Variants in IGSF21 observed in about 807,000 individuals in gnomAD.
IGSF21 encodes immunoglobin superfamily member 21, also known as immunoglobulin superfamily member 21.
IGSF21 carries 28 observed loss-of-function variants against 46.8 expected under a neutral mutation model. That is an observed-to-expected ratio of 0.60 (90% confidence interval 0.44 to 0.82). The LOEUF (loss-of-function observed/expected upper bound fraction) is 0.82, where lower values mean the gene tolerates loss of function less well. Among genes scored for constraint, IGSF21 ranks in the 40% least tolerant of loss-of-function variants. IGSF21 has a pLI of 0.00. For missense variants in IGSF21, 624 were observed against 665.5 expected, an observed-to-expected ratio of 0.94 and a Z score of 0.69; for synonymous variants, 284 against 273.6, an observed-to-expected ratio of 1.04 and a Z score of -0.38.
chr1:18,167,004 G>A (rs1043166751), intron 1 of IGSF21: 1 of 153,216 alleles, frequency 6.5e-6, no homozygotes, highest in African/African-American at 2.4e-5. Flanking sequence ...ACTCTGTTGT[G>A]GAAACAGGAA....
chr1:18,114,653 A>G (rs1373953499), intron 1 of IGSF21: 1 of 152,242 alleles, frequency 6.6e-6, no homozygotes, highest in East Asian at 1.9e-4. Flanking sequence ...GAAAATGCAC[A>G]AAACACTTCC....
intron 4 of IGSF21, among the ~76,000 whole-genome samples, chr1:18,358,589 A>G (rs1277145666): frequency 1.3e-5 from 2 of 152,246 alleles, no homozygotes; most frequent in Admixed American, 1.3e-4. Context: ...AGGTACGACC[A>G]TGTTTTATTC....
At chr1:18,254,426 G>GACCTCTATCTGAATACA (rs1569641734) in intron 2 of IGSF21, among the ~76,000 whole-genome samples, 1 of 152,002 alleles carries the variant, frequency 6.6e-6, no homozygotes, top group African/African-American at 2.4e-5. Flanking sequence ...ACTGGATCTA[G>GACCTCTATCTGAATACA]GTATCTTTAA....
At chr1:18,269,365 C>T (rs16861776) in intron 2 of IGSF21, among the ~76,000 whole-genome samples, 30,018 of 152,078 alleles carry the variant, frequency 0.2, 3,130 homozygotes, top group African/African-American at 0.22. Flanking sequence ...CAGCCTTGAT[C>T]CTGTGTCATT....
chr1:18,118,613 C>T (rs1225663443), intron 1 of IGSF21, among the ~76,000 whole-genome samples: 1 of 152,182 alleles, frequency 6.6e-6, no homozygotes, highest in Non-Finnish European at 1.5e-5. Context: ...GCGGCAAAGG[C>T]AGTCACCCCA....
In IGSF21 at chr1:18,190,478, A is replaced by G. The variant is rs953928533; in HGVS notation, c.71-37420A>G. ...CCTGGCACACACTAAGTGTTCATAAATATTTGCCAAAATCCCTGCCAGGTC... is the reference window on the plus strand; with the variant it reads ...CCTGGCACACACTAAGTGTTCATAAGTATTTGCCAAAATCCCTGCCAGGTC... On this transcript the variant is annotated intron_variant, in intron 1 of 9. Transcript: ENST00000251296. Among the ~76,000 whole-genome samples the G allele has an allele frequency of 2.0e-5, 3 of 149,654 alleles. No homozygotes were observed. In the East Asian group the frequency reaches 6.0e-4, roughly 30 times the overall value.
At chr1:18,303,719 A>T (rs223158) in intron 3 of IGSF21, among the ~76,000 whole-genome samples, 3,428 of 152,332 alleles carry the variant, frequency 0.023, 123 homozygotes, top group African/African-American at 0.078. Context: ...TGAGCAGGAC[A>T]GGTAAGTTCT....
intron 2 of IGSF21, among the ~76,000 whole-genome samples, chr1:18,280,007 C>A (rs560450310): frequency 1.3e-5 from 2 of 152,330 alleles, no homozygotes; most frequent in African/African-American, 4.8e-5. Context: ...CATTGGTCAG[C>A]CAGACTGGTA....
At chr1:18,362,453 T>C (rs871288) in intron 5 of IGSF21, among the ~76,000 whole-genome samples, 110,979 of 152,104 alleles carry the variant, frequency 0.73, 40,601 homozygotes, top group East Asian at 0.75. Context: ...AACCCCCACT[T>C]CTCCTGGAGA....
At chr1:18,161,222 G>A (rs9727566) in intron 1 of IGSF21, among the ~76,000 whole-genome samples, 45,321 of 151,922 alleles carry the variant, frequency 0.3, 10,107 homozygotes, top group African/African-American at 0.62. Flanking sequence ...GGCCCTCCCA[G>A]CCTCCACTGG....
chr1:18,269,488 C>G (rs2085022626), intron 2 of IGSF21, among the ~76,000 whole-genome samples: 1 of 152,084 alleles, frequency 6.6e-6, no homozygotes, highest in Non-Finnish European at 1.5e-5. Flanking sequence ...TCCCCTCAGC[C>G]AAGAAGTGAG....
At chr1:18,143,571 G>T (rs2086438223) in intron 1 of IGSF21, among the ~76,000 whole-genome samples, 1 of 152,144 alleles carries the variant, frequency 6.6e-6, no homozygotes, top group Non-Finnish European at 1.5e-5. Context: ...GCCTTGTGGG[G>T]GTGGATGAAG....
intron 2 of IGSF21, among the ~76,000 whole-genome samples, chr1:18,243,390 T>A (rs977154050): frequency 1.3e-5 from 2 of 152,022 alleles, no homozygotes; most frequent in Non-Finnish European, 2.9e-5. Context: ...TCCCCGCATC[T>A]CTTCCATCGA....
chr1:18,280,328 C>T (rs1475524482), intron 2 of IGSF21, among the ~76,000 whole-genome samples: 1 of 152,148 alleles, frequency 6.6e-6, no homozygotes, highest in East Asian at 1.9e-4. Context: ...TTCTCTCCAA[C>T]CCAATGCCTC....
intron 4 of IGSF21, among the ~76,000 whole-genome samples, chr1:18,356,201 C>T (rs547633): frequency 0.27 from 41,256 of 152,068 alleles, 5,702 homozygotes; most frequent in South Asian, 0.37. Context: ...AATATGCCTG[C>T]TTGGTGTCTC....
At chr1:18,249,544 CTG>C (rs2084816990) in intron 2 of IGSF21, among the ~76,000 whole-genome samples, 1 of 152,146 alleles carries the variant, frequency 6.6e-6, no homozygotes, top group African/African-American at 2.4e-5. Flanking sequence ...GGCAGCCTCT[CTG>C]GGCTTGGAGA....
chr1:18,135,283 T>A (rs1295227631), intron 1 of IGSF21, among the ~76,000 whole-genome samples: 3 of 152,326 alleles, frequency 2.0e-5, no homozygotes, highest in Admixed American at 2.0e-4. Flanking sequence ...TATTATACTT[T>A]AAGTTTTAGG....
At chr1:18,237,113 C>T (rs956691501) in intron 2 of IGSF21, among the ~76,000 whole-genome samples, 1 of 152,154 alleles carries the variant, frequency 6.6e-6, no homozygotes, top group African/African-American at 2.4e-5. Context: ...CTTTTCCTAC[C>T]ATCCTTAGCC....
chr1:18,110,068 A>G (rs3806294), intron 1 of IGSF21: 2,529 of 151,984 alleles, frequency 0.017, 26 homozygotes, highest in East Asian at 0.049. Context: ...CGGCATCCTG[A>G]CGCCTCAAAT....
Sources: allele counts gnomAD v4.1 joint callset (sites outside exome capture counted in the v4.1 genomes callset), GRCh38; gene constraint gnomAD v4.1.1; transcripts MANE v1.5; gene names NCBI Gene and HGNC (gene_info 2026-07-23, HGNC 2026-07-21).